ADAP1: variants seen among roughly 807,000 people sequenced by gnomAD.
The protein encoded by ADAP1 is ArfGAP with dual PH domains 1, also known as arf-GAP with dual PH domain-containing protein 1.
In ADAP1, 31 loss-of-function variants were observed where a neutral mutation model predicts 54.9. That is an observed-to-expected ratio of 0.56 (90% CI 0.42 to 0.76). ADAP1 has a LOEUF of 0.76. Ranked by LOEUF, ADAP1 falls within the 30% of genes least tolerant of loss-of-function variation. ADAP1 has a pLI of 0.00. For missense variants in ADAP1, 535 were observed against 512.4 expected (o/e 1.04, Z -0.42); for synonymous variants, 313 against 202.6 (o/e 1.55, Z -4.63).
chr7:944,666 C>T (rs985587403), intron 1 of ADAP1, among the ~76,000 whole-genome samples: 3 of 152,154 alleles, frequency 2.0e-5, no homozygotes, highest in African/African-American at 7.2e-5. Context: ...AATCACATCA[C>T]GGCAAACACG....
At chr7:905,782 A>AGAAGGGAGAAGGGAGAAG (rs1845222864) in intron 4 of ADAP1, among the ~76,000 whole-genome samples, 1 of 30,212 alleles carries the variant, frequency 3.3e-5, no homozygotes, top group African/African-American at 1.5e-4. Context: ...GAAAGGAGAA[A>AGAAGGGAGAAGGGAGAAG]GGAGAAAGGA....
In ADAP1 at chr7:945,420, C is replaced by T. The variant is rs534816692; in HGVS notation, c.82+8976G>A. ...GCCCCCTCCACTCGGGGCACTGAAC[C>T]GTGGGGCCGGCCCTGCTTCTGCCCA... On this transcript the variant is annotated intron_variant, in intron 1 of 10. Transcript: ENST00000265846. The surrounding 1 kb of genome is among the most constrained non-coding windows in gnomAD (Gnocchi z 4.2). Among the ~76,000 whole-genome samples, 62 of 152,334 alleles carry T rather than the reference C, an allele frequency of 4.1e-4. No homozygotes were observed. Among genetic ancestry groups the T allele is most frequent in the South Asian group, 1.7e-3 (8 of 4,828 alleles).
At chr7:911,165 G>T (rs1360463584) in intron 4 of ADAP1, among the ~76,000 whole-genome samples, 2 of 152,192 alleles carry the variant, frequency 1.3e-5, no homozygotes, top group African/African-American at 4.8e-5. Flanking sequence ...TCTCCAAACA[G>T]CCAGGACAGG....
intron 1 of ADAP1, among the ~76,000 whole-genome samples, chr7:940,875 AC>A (rs1846922724): frequency 7.2e-6 from 1 of 138,212 alleles, no homozygotes; most frequent in African/African-American, 2.9e-5. Flanking sequence ...GAAAAAACAT[AC>A]AATTGTTTCA....
intron 3 of ADAP1, among the ~76,000 whole-genome samples, chr7:921,381 G>A (rs1288209223): frequency 1.3e-5 from 2 of 152,254 alleles, no homozygotes; most frequent in Non-Finnish European, 2.9e-5. Context: ...GGGCACAGTG[G>A]TGCGATCACA....
chr7:904,398 T>A, intron 5 of ADAP1, 126 bp from the exon 6 acceptor site: 1 of 1,265,944 alleles, frequency 7.9e-7, no homozygotes, highest in Non-Finnish European at 1.1e-6. Context: ...GCAAGTTACT[T>A]AAGCGCTCTG....
rs567216779 is a variant in ADAP1, at chr7:946,082, C to T, written c.82+8314G>A. On this transcript the variant is annotated intron_variant, in intron 1 of 10. Transcript: ENST00000265846. The surrounding 1 kb of genome is among the most constrained non-coding windows in gnomAD (Gnocchi z 4.3). Reference sequence around the variant, plus strand: ...GGAGGGTGCCCTTGTGGGAGGGGCTCCGGTGCCCACCACCCTTCACAGCTA... The same window carrying T: ...GGAGGGTGCCCTTGTGGGAGGGGCTTCGGTGCCCACCACCCTTCACAGCTA... 9.8e-5 allele frequency among the ~76,000 whole-genome samples: 15 copies of T among 152,316 alleles called. No individual in the cohort carries two copies. The highest frequency in any genetic ancestry group is 3.6e-4 in the African/African-American group (15 of 41,578).
At chr7:929,526 A>C (rs1244323445) in intron 2 of ADAP1, among the ~76,000 whole-genome samples, 2 of 151,244 alleles carry the variant, frequency 1.3e-5, no homozygotes, top group East Asian at 2.0e-4. Context: ...AAAAAAAAAA[A>C]AAAAAAAAAC....
At chr7:906,766 C>A (rs572708664) in intron 4 of ADAP1, among the ~76,000 whole-genome samples, 2 of 13,782 alleles carry the variant, frequency 1.5e-4, no homozygotes, top group African/African-American at 3.1e-4. Context: ...GGACAGGGGA[C>A]ATGGGGGACA....
intron 3 of ADAP1, among the ~76,000 whole-genome samples, chr7:921,222 C>T (rs897779392): frequency 1.2e-4 from 19 of 152,322 alleles, no homozygotes; most frequent in Admixed American, 4.6e-4. Flanking sequence ...GCCCCCACCT[C>T]GGCGCCGTCC....
At chr7:950,408 C>A (rs1847237970) in intron 1 of ADAP1, among the ~76,000 whole-genome samples, 1 of 151,162 alleles carries the variant, frequency 6.6e-6, no homozygotes, top group Non-Finnish European at 1.5e-5. Flanking sequence ...ATGGCATGAG[C>A]CTGGGAGGCG....
chr7:931,127 G>GA (rs1374071915), intron 2 of ADAP1, among the ~76,000 whole-genome samples: 17 of 151,384 alleles, frequency 1.1e-4, no homozygotes, highest in Non-Finnish European at 2.5e-4. Context: ...GGGAGGGACG[G>GA]AAGAAAGGAA....
At position 900,616 on chromosome 7, in the gene ADAP1, C is replaced by A; in HGVS notation, c.649G>T (p.Glu217Ter). 6.7e-7 allele frequency: 1 copy of A among 1,491,918 alleles called. No homozygotes were observed. Among genetic ancestry groups the A allele is most frequent in the Non-Finnish European group, 9.0e-7 (1 of 1,108,450 alleles). The allele number at this position is 1,491,918 out of a possible 1,614,324, so 92.4% of individuals were successfully genotyped here. A position where few individuals can be genotyped will look rare whatever the true frequency, so the allele number is the denominator to read the frequency against. Residue 217 changes from glutamate (E) to a stop codon, truncating the protein, a stop_gained and splice_region_variant, in exon 7 of 11, where the codon GAG (glutamate) becomes TAG (stop). Transcript: ENST00000265846. LOFTEE classifies it high-confidence loss of function. ...NIFIYHEDGK[E>*]IVDWFNALRA... ...AGTGCATTGAACCAGTCCACAATCT[C>A]CTAGGGGCAAAGGTGGGCACAGGCT...
At chr7:916,683 G>A (rs972586527) in intron 4 of ADAP1, among the ~76,000 whole-genome samples, 4 of 152,300 alleles carry the variant, frequency 2.6e-5, no homozygotes, top group African/African-American at 7.2e-5. Flanking sequence ...TTCTTGAGAG[G>A]AAGAAATTGC....
intron 1 of ADAP1, among the ~76,000 whole-genome samples, chr7:947,953 G>A (rs183251452): frequency 1.1e-4 from 16 of 151,806 alleles, no homozygotes; most frequent in Non-Finnish European, 2.1e-4. Context: ...TTTGACCTGC[G>A]AGGTGCACGG....
rs5881886 is a variant in ADAP1 at position 928,051 on chromosome 7, CAAA to C, written c.214-1410_214-1408del. The stretch of plus-strand genomic sequence containing the variant: ...GGCAACATAGTGAGACCCTGTCTCT[CAAA>C]AAAAAAAAAAAAAAAATTAGCCAGG... On this transcript the variant is annotated intron_variant, in intron 2 of 10. Coordinates refer to ENST00000265846, the MANE Select transcript of ADAP1 (RefSeq NM_006869.4). Among the ~76,000 whole-genome samples the C allele has an allele frequency of 5.1e-3, 530 of 104,506 alleles. 9 individuals are homozygous for C. The highest frequency in any genetic ancestry group is 0.018 in the Middle Eastern group (3 of 166). The allele number at this position is 104,506 out of a possible 152,430, so 68.6% of individuals were successfully genotyped here.
intron 4 of ADAP1, among the ~76,000 whole-genome samples, chr7:907,569 T>TC (rs141286892): frequency 0.016 from 2,425 of 151,994 alleles, 70 homozygotes; most frequent in East Asian, 0.11. Flanking sequence ...GGCGTTCCCA[T>TC]CCCCCCCAGG....
chr7:921,752 C>T (rs1440687842), intron 3 of ADAP1, among the ~76,000 whole-genome samples: 1 of 152,254 alleles, frequency 6.6e-6, no homozygotes, highest in Non-Finnish European at 1.5e-5. Flanking sequence ...CCCAGCGTCC[C>T]ATGACCCCAG....
intron 4 of ADAP1, among the ~76,000 whole-genome samples, chr7:908,197 C>G (rs1845560206): frequency 6.6e-6 from 1 of 152,194 alleles, no homozygotes; most frequent in African/African-American, 2.4e-5. Context: ...CAGCAGCCAA[C>G]AGGCCAGACA....
Sources: gnomAD v4.1 joint callset for allele counts (sites outside exome capture counted in the v4.1 genomes callset) on GRCh38, gnomAD v4.1.1 for gene constraint, Gnocchi (gnomAD v3.1) non-coding constraint, MANE v1.5 for transcripts, NCBI Gene and HGNC (gene_info 2026-07-23, HGNC 2026-07-21) for gene names.